Variants in SRPRA observed in about 807,000 individuals in gnomAD.
SRPRA encodes the protein SRP receptor subunit alpha.
Under a neutral mutation model 61.1 loss-of-function variants are expected in SRPRA, and 30 were observed. The observed-to-expected ratio is 0.49, with a 90% CI of 0.37 to 0.67. The LOEUF is 0.67. Among genes scored for constraint, SRPRA ranks in the 30% least tolerant of loss-of-function variants. The pLI, the probability that SRPRA is intolerant of heterozygous loss-of-function variation, is 0.00. For missense variants in SRPRA, 759 were observed against 828.4 expected, an observed-to-expected ratio of 0.92 and a Z score of 1.03; for synonymous variants, 324 against 299.7, an observed-to-expected ratio of 1.08 and a Z score of -0.84.
chr11:126,261,553 A>AT, downstream of SRPRA: 1 of 1,321,320 alleles, frequency 7.6e-7, no homozygotes, highest in Non-Finnish European at 1.1e-6. Flanking sequence ...TTGGTTAAGA[A>AT]TATAGAGAAT....
At position 126,263,467 on chromosome 11, in the gene SRPRA, C is replaced by G. The variant is rs1950744146; in HGVS notation, c.*449G>C. On this transcript the variant is annotated 3_prime_UTR_variant, in exon 14 of 14. Transcript: ENST00000332118. ...CGGGTGTCATCCAGGTCCTGGGGAC[C>G]TGCAGGCTGTGTATCCTAGGGAGAG... 1 of 158,192 alleles carries G rather than the reference C, an allele frequency of 6.3e-6. No individual in the cohort carries two copies. The highest frequency in any genetic ancestry group is 1.4e-5 in the Non-Finnish European group (1 of 71,522). The allele number at this position is 158,192 out of a possible 1,614,324, so 9.8% of individuals were successfully genotyped here.
chr11:126,264,481 A>G lies in SRPRA; in HGVS notation c.1584T>C (p.Asn528=). 1 of 1,614,094 alleles carries G rather than the reference A, an allele frequency of 6.2e-7. No individual in the cohort carries two copies. The highest frequency in any genetic ancestry group is 8.5e-7 in the Non-Finnish European group (1 of 1,180,040). Residue 528 remains asparagine (N), a synonymous_variant, in exon 12 of 14, where the codon AAT becomes AAC. Coordinates refer to ENST00000332118, the MANE Select transcript of SRPRA (RefSeq NM_003139.4). This position sits in a 1 kb window ranked among gnomAD's most constrained non-coding sequence, Gnocchi z 5.0. Reference sequence around the variant, plus strand: ...TGGCCAGGGCAGTCATCAGAGGGGCATTGTCTTGCATGCGGCCTGCCGTGT... The same window carrying G: ...TGGCCAGGGCAGTCATCAGAGGGGCGTTGTCTTGCATGCGGCCTGCCGTGT... The part of the protein sequence containing the change: ...LVDTAGRMQD[N]APLMTALAKL...
downstream of SRPRA, chr11:126,260,438 T>C (rs1050347340): frequency 1.3e-4 from 19 of 151,998 alleles, no homozygotes; most frequent in African/African-American, 4.3e-4. Context: ...AGTAGTGGAT[T>C]GTACATTTTC....
chr11:126,265,819 C>A lies in SRPRA; in HGVS notation c.1056G>T (p.Lys352Asn). The stretch of plus-strand genomic sequence containing the variant: ...GGACGGCAATGTCTGCAGCCACGTT[C>A]TTAGCTGAGGAGAGGGGGACAGGTA... ...LDKMRDHLIA[K>N]NVAADIAVQL... Residue 352 changes from lysine (K) to asparagine (N), a missense_variant, in exon 9 of 14, where the codon AAG (lysine) becomes AAT (asparagine). Coordinates refer to ENST00000332118, the MANE Select transcript of SRPRA (RefSeq NM_003139.4). This position sits in a 1 kb window ranked among gnomAD's most constrained non-coding sequence, Gnocchi z 6.3. 3 of 1,614,240 alleles carry A rather than the reference C, an allele frequency of 1.9e-6. No homozygotes were observed. The highest frequency in any genetic ancestry group is 2.5e-6 in the Non-Finnish European group (3 of 1,180,044).
chr11:126,240,261 G>A, the SRPRA span, among the ~76,000 whole-genome samples: 1 of 150,202 alleles, frequency 6.7e-6, no homozygotes, highest in Non-Finnish European at 1.5e-5. Context: ...AATTCTATTG[G>A]CCACTTTTTT....
downstream of SRPRA, chr11:126,262,223 C>T: frequency 1.4e-6 from 2 of 1,408,344 alleles, no homozygotes; most frequent in Non-Finnish European, 2.0e-6. Flanking sequence ...GAACCCAACA[C>T]AATTCCCAGA....
the SRPRA span, among the ~76,000 whole-genome samples, chr11:126,247,761 G>T: frequency 1.4e-5 from 2 of 145,952 alleles, no homozygotes; most frequent in Non-Finnish European, 3.0e-5. Flanking sequence ...GGGAGGCTGA[G>T]GCAGGGGAAT....
chr11:126,266,341 C>T (rs1054287914), intron 6 of SRPRA, 63 bp from the exon 7 acceptor site: 6 of 1,597,726 alleles, frequency 3.8e-6, no homozygotes, highest in South Asian at 3.3e-5. Flanking sequence ...AAAACGTCCA[C>T]ATTGCTCTAT....
At chr11:126,266,103 C>T in intron 7 of SRPRA, 22 bp from the exon 8 acceptor site, 1 of 1,613,334 alleles carries the variant, frequency 6.2e-7, no homozygotes, top group Non-Finnish European at 8.5e-7. Flanking sequence ...GGAGATTACA[C>T]ATACACATAA....
At position 126,264,164 on chromosome 11, in the gene SRPRA, C is replaced by T. The variant is rs374566812; in HGVS notation, c.1788+27G>A. 7 of 1,612,688 alleles carry T rather than the reference C, an allele frequency of 4.3e-6. No individual in the cohort carries two copies. The highest frequency in any genetic ancestry group is 5.1e-6 in the Non-Finnish European group (6 of 1,179,102). On this transcript the variant is annotated intron_variant, in intron 13 of 13. Transcript: ENST00000332118. This position sits in a 1 kb window ranked among gnomAD's most constrained non-coding sequence, Gnocchi z 5.0. The stretch of plus-strand genomic sequence containing the variant: ...CCTCAGCTCCTTTGTGCAGGACGCC[C>T]ATTCCAGCCTCCAGTCTCACGTTTA...
At chr11:126,248,602 C>A in the SRPRA span, among the ~76,000 whole-genome samples, 1 of 152,030 alleles carries the variant, frequency 6.6e-6, no homozygotes, top group Admixed American at 6.6e-5. Flanking sequence ...GATCTCTTGA[C>A]CTCGTGATCC....
rs1950794887 is a variant in SRPRA at position 126,265,682 on chromosome 11, A to G, written c.1138+55T>C. ...AAAGTCACATACCTAGTAAGAACTG[A>G]GGTCTATGCACTTAACCTACACATA... On this transcript the variant is annotated intron_variant, in intron 9 of 13. Transcript: ENST00000332118. This position sits in a 1 kb window ranked among gnomAD's most constrained non-coding sequence, Gnocchi z 6.3. 15 of 1,575,644 alleles carry G rather than the reference A, an allele frequency of 9.5e-6. No homozygotes were observed. In the South Asian group the frequency reaches 1.7e-4, roughly 18 times the overall value.
Position 126,263,937 on chromosome 11 carries a change from C to T in SRPRA, c.1896G>A (p.Val632=). Reference sequence around the variant, plus strand: ...CACGTTAAGCCTTCATGAGGGCAGCCACCACAGCCTTGGCATTGAGGCTGC... The same window carrying T: ...CACGTTAAGCCTTCATGAGGGCAGCTACCACAGCCTTGGCATTGAGGCTGC... ...DLRSLNAKAV[V]AALMKA Residue 632 remains valine, a synonymous_variant, in exon 14 of 14, where the codon GTG becomes GTA. Coordinates refer to ENST00000332118, the MANE Select transcript of SRPRA (RefSeq NM_003139.4). 6.2e-7 allele frequency: 1 copy of T among 1,614,192 alleles called. No homozygotes were observed. The highest frequency in any genetic ancestry group is 8.5e-7 in the Non-Finnish European group (1 of 1,180,038).
In SRPRA at chr11:126,264,267, G is replaced by A; in HGVS notation, c.1712C>T (p.Ala571Val). ...AGGTGTCTGAGCCATAGAATGGTCA[G>A]CCAAGGCTCTGTTGAACTTGACCTG... is the stretch of plus-strand genomic sequence containing the variant. ...DQLVKFNRAL[A>V]DHSMAQTPRL... The change falls in exon 13 of 14, where the codon GCT becomes GTT. Residue 571 changes from alanine (A) to valine (V), a missense_variant. Ala to Val is a moderately conservative substitution (Grantham distance 64, BLOSUM62 0). Around this residue, in one of 2 missense-constraint regions of SRPRA, gnomAD observed 284 missense variants for 365.9 expected, o/e 0.78. Coordinates refer to ENST00000332118, the MANE Select transcript of SRPRA (RefSeq NM_003139.4). The surrounding 1 kb of genome is among the most constrained non-coding windows in gnomAD (Gnocchi z 5.0). 2 of 1,614,030 alleles carry A rather than the reference G, an allele frequency of 1.2e-6. No homozygotes were observed. Among genetic ancestry groups the A allele is most frequent in the Non-Finnish European group, 1.7e-6 (2 of 1,179,986 alleles).
the SRPRA span, chr11:126,241,139 T>C: frequency 4.7e-6 from 6 of 1,277,770 alleles, no homozygotes; most frequent in Middle Eastern, 7.3e-4. Flanking sequence ...GCATGCCAAA[T>C]GTAACAGGGA....
the SRPRA span, among the ~76,000 whole-genome samples, chr11:126,237,856 C>CA: frequency 0.03 from 1,805 of 59,758 alleles, 20 homozygotes; most frequent in Admixed American, 0.035. Flanking sequence ...ACTCCGTCTC[C>CA]AAAAAAAAAA....
chr11:126,238,844 T>C, the SRPRA span, among the ~76,000 whole-genome samples: 1 of 152,028 alleles, frequency 6.6e-6, no homozygotes, highest in African/African-American at 2.4e-5. Flanking sequence ...TTGTCTGCTG[T>C]CATCTTTACC....
chr11:126,249,749 A>AG, the SRPRA span, among the ~76,000 whole-genome samples: 11,808 of 139,678 alleles, frequency 0.085, 503 homozygotes, highest in East Asian at 0.099. Flanking sequence ...AAAAAAAAAA[A>AG]AAAAAGAAAA....
At chr11:126,249,753 AAG>A in the SRPRA span, among the ~76,000 whole-genome samples, 1 of 150,324 alleles carries the variant, frequency 6.7e-6, no homozygotes, top group Non-Finnish European at 1.5e-5. Flanking sequence ...AAAAAAAAAA[AAG>A]AAAAAGAAAA....
Sources: allele counts gnomAD v4.1 joint callset (sites outside exome capture counted in the v4.1 genomes callset), GRCh38; gene constraint gnomAD v4.1.1; regional missense constraint gnomAD v4.1.1; non-coding constraint Gnocchi (gnomAD v3.1); transcripts MANE v1.5; gene names NCBI Gene and HGNC (gene_info 2026-07-23, HGNC 2026-07-21).